TACR3: variants seen among roughly 807,000 people sequenced by gnomAD.
TACR3 encodes the protein neuromedin-K receptor.
A neutral mutation model predicts 35.0 loss-of-function variants in TACR3; 34 were observed. The ratio of observed to expected loss-of-function variants is 0.97; its 90% CI spans 0.74 to 1.30. The LOEUF (loss-of-function observed/expected upper bound fraction) is 1.30, where lower values mean the gene tolerates loss of function less well. Among genes scored for constraint, TACR3 ranks in the 50% most tolerant of loss-of-function variants. The probability of loss-of-function intolerance (pLI) is 0.00; values close to 1 mark genes in which losing one functional copy is unlikely to be tolerated. For synonymous variants in TACR3, 233 were observed against 221.1 expected, an observed-to-expected ratio of 1.05 and a Z score of -0.48; for missense variants, 558 against 591.7, an observed-to-expected ratio of 0.94 and a Z score of 0.59.
chr4:103,650,202 G>T (rs1053398616), intron 3 of TACR3, among the ~76,000 whole-genome samples: 5 of 151,656 alleles, frequency 3.3e-5, no homozygotes, highest in African/African-American at 1.2e-4. Flanking sequence ...CCCTTTTCCT[G>T]TTCTGAGCCA....
At chr4:103,601,947 G>T (rs1578221174) in intron 3 of TACR3, among the ~76,000 whole-genome samples, 3 of 152,212 alleles carry the variant, frequency 2.0e-5, no homozygotes, top group African/African-American at 7.2e-5. Flanking sequence ...TGCTAGATTG[G>T]GGAAGTTCTC....
rs187098851 is a variant in TACR3, at chr4:103,595,451, G to A, written c.889-3768C>T. On this transcript the variant is annotated intron_variant, in intron 3 of 4. Coordinates refer to ENST00000304883, the MANE Select transcript of TACR3 (RefSeq NM_001059.3). ...TTTTAGCAGTTAAGAATCTAACTAC[G>A]TAGGCAGGATGGAACTGCATGTCCT... Among the ~76,000 whole-genome samples the A allele has an allele frequency of 2.9e-3, 439 of 152,246 alleles. 2 individuals carry two copies. Among genetic ancestry groups the A allele is most frequent in the African/African-American group, 0.01 (418 of 41,534 alleles).
chr4:103,622,040 G>T (rs947906572), intron 3 of TACR3, among the ~76,000 whole-genome samples: 3 of 152,156 alleles, frequency 2.0e-5, no homozygotes, highest in African/African-American at 7.2e-5. Context: ...CTACTGAAGA[G>T]GAATGGTCTG....
chr4:103,636,518 A>G (rs1323415932), intron 3 of TACR3, among the ~76,000 whole-genome samples: 8 of 152,054 alleles, frequency 5.3e-5, no homozygotes, highest in African/African-American at 1.7e-4. Flanking sequence ...CGTAAATAAT[A>G]CAATAATACA....
chr4:103,652,840 G>A (rs1725652055), intron 3 of TACR3, among the ~76,000 whole-genome samples: 1 of 151,982 alleles, frequency 6.6e-6, no homozygotes, highest in South Asian at 2.1e-4. Flanking sequence ...GGTCCATCCA[G>A]GGTAGAACTT....
In TACR3 at chr4:103,663,119, A is replaced by G. The variant is rs559502014; in HGVS notation, c.549-4716T>C. 6.6e-5 allele frequency among the ~76,000 whole-genome samples: 10 copies of G among 152,272 alleles called. No individual in the cohort carries two copies. The South Asian group carries it at 1.5e-3, about 22-fold the overall frequency. ...TTGCCAGTGGAAAGTAATTGAGGCA[A>G]TTTTATCAGAGAAGTAGAATAATCA... is the stretch of plus-strand genomic sequence containing the variant. On this transcript the variant is annotated intron_variant, in intron 1 of 4. Transcript: ENST00000304883.
intron 3 of TACR3, among the ~76,000 whole-genome samples, chr4:103,632,650 G>GT (rs531622350): frequency 0.037 from 5,205 of 141,874 alleles, 226 homozygotes; most frequent in African/African-American, 0.11. Context: ...CATGTATCCT[G>GT]TTTTTTTTTT....
In TACR3 at chr4:103,687,015, G is replaced by A. The variant is rs542005558; in HGVS notation, c.549-28612C>T. On this transcript the variant is annotated intron_variant, in intron 1 of 4. Transcript: ENST00000304883. Reference sequence around the variant, plus strand: ...ATCCTCAATAAAATACTGGCAAACCGAATCCAGCAGCACATCAAAAAGCTT... The same window carrying A: ...ATCCTCAATAAAATACTGGCAAACCAAATCCAGCAGCACATCAAAAAGCTT... Among the ~76,000 whole-genome samples, 277 of 152,020 alleles carry A rather than the reference G, an allele frequency of 1.8e-3. 2 individuals are homozygous for A. Among genetic ancestry groups the A allele is most frequent in the East Asian group, 7.3e-3 (38 of 5,184 alleles).
rs1289393355 is a variant in TACR3, at chr4:103,719,642, C to T, written c.34G>A (p.Asp12Asn). 1 of 1,613,346 alleles carries T rather than the reference C, an allele frequency of 6.2e-7. No homozygotes were observed. The highest frequency in any genetic ancestry group is 1.1e-5 in the South Asian group (1 of 91,084). ...TCTGCACCCACGCCTCCACCCCCGT[C>T]TATCCAGGTTTCTGCTGCTGGGAGA... ...ATLPAAETWIDGGGGVGADAV... is the reference protein window; with the variant it reads ...ATLPAAETWINGGGGVGADAV... Residue 12 changes from aspartate (D) to asparagine (N), a missense_variant, in exon 1 of 5, where the codon GAC becomes AAC. Asp to Asn is a conservative substitution (Grantham distance 23, BLOSUM62 1). Transcript: ENST00000304883.
At chr4:103,714,591 T>C (rs1723042677) in intron 1 of TACR3, among the ~76,000 whole-genome samples, 1 of 152,150 alleles carries the variant, frequency 6.6e-6, no homozygotes, top group African/African-American at 2.4e-5. Flanking sequence ...TAACAGTTGA[T>C]CTTAGGCTAA....
chr4:103,651,449 G>A (rs1461252438), intron 3 of TACR3, among the ~76,000 whole-genome samples: 1 of 151,872 alleles, frequency 6.6e-6, no homozygotes, highest in African/African-American at 2.4e-5. Flanking sequence ...TCAGCTTGTG[G>A]TAAATGCTGC....
intron 1 of TACR3, among the ~76,000 whole-genome samples, chr4:103,699,897 C>T (rs778862204): frequency 2.6e-4 from 39 of 152,024 alleles, no homozygotes; most frequent in Non-Finnish European, 5.3e-4. Flanking sequence ...AGGAGGCTGT[C>T]GTATTTAAAA....
rs780891864 is a variant in TACR3 at position 103,589,712 on chromosome 4, T to C, written c.1368A>G (p.Ser456=). The C allele has an allele frequency of 6.2e-6, 10 of 1,613,292 alleles. No homozygotes were observed. The Admixed American group carries it at 1.5e-4, about 24-fold the overall frequency. ...SASATSSFIS[S]PYTSVDEYS ...AATATTCATCCACAGAGGTATAGGGTGAGCTTATGAAACTTGAAGTGGCGG... is the reference window on the plus strand; with the variant it reads ...AATATTCATCCACAGAGGTATAGGGCGAGCTTATGAAACTTGAAGTGGCGG... The change falls in exon 5 of 5, where the codon TCA becomes TCG. Residue 456 remains serine (S), a synonymous_variant. Transcript: ENST00000304883.
chr4:103,616,448 C>T (rs766107238), intron 3 of TACR3, among the ~76,000 whole-genome samples: 4 of 152,024 alleles, frequency 2.6e-5, no homozygotes, highest in Non-Finnish European at 5.9e-5. Context: ...ATACATTATA[C>T]TTGTGCATAT....
chr4:103,666,145 A>C (rs1161779933), intron 1 of TACR3, among the ~76,000 whole-genome samples: 3 of 152,228 alleles, frequency 2.0e-5, no homozygotes, highest in Non-Finnish European at 2.9e-5. Context: ...CATTGTTTAC[A>C]GTGTGATATT....
chr4:103,640,182 G>A (rs1175865843), intron 3 of TACR3, among the ~76,000 whole-genome samples: 2 of 152,042 alleles, frequency 1.3e-5, no homozygotes, highest in Non-Finnish European at 2.9e-5. Context: ...AACTGGCAAT[G>A]CAAGAATCAA....
At chr4:103,634,540 G>T (rs192202151) in intron 3 of TACR3, among the ~76,000 whole-genome samples, 1 of 152,130 alleles carries the variant, frequency 6.6e-6, no homozygotes, top group Non-Finnish European at 1.5e-5. Context: ...GCATTGATAT[G>T]AATCTCTGTT....
intron 3 of TACR3, among the ~76,000 whole-genome samples, chr4:103,624,088 G>A (rs942879381): frequency 2.0e-5 from 3 of 152,046 alleles, no homozygotes; most frequent in African/African-American, 7.2e-5. Flanking sequence ...TAATCCACAC[G>A]GGTAACATTT....
At chr4:103,717,224 CTGTT>C (rs1723109113) in intron 1 of TACR3, among the ~76,000 whole-genome samples, 2 of 151,512 alleles carry the variant, frequency 1.3e-5, no homozygotes, top group Non-Finnish European at 2.9e-5. Flanking sequence ...TTCTGTATTT[CTGTT>C]TTTTTTTAAT....
Sources: gnomAD v4.1 joint callset for allele counts (sites outside exome capture counted in the v4.1 genomes callset) on GRCh38, gnomAD v4.1.1 for gene constraint, MANE v1.5 for transcripts, NCBI Gene and HGNC (gene_info 2026-07-23, HGNC 2026-07-21) for gene names.